P2RY12: variants seen among roughly 807,000 people sequenced by gnomAD.
P2RY12 encodes P2Y purinoceptor 12.
P2RY12 carries 3 observed loss-of-function variants against 4.5 expected under a neutral mutation model. That is an observed-to-expected ratio of 0.67 (90% CI 0.31 to 1.74). The LOEUF (loss-of-function observed/expected upper bound fraction) is 1.74. Ranked by LOEUF, P2RY12 falls within the 40% of genes most tolerant of loss-of-function variation. The pLI is 0.09. For synonymous variants in P2RY12, 148 were observed against 154.1 expected, an observed-to-expected ratio of 0.96 and a Z score of 0.29; for missense variants, 356 against 407.8, an observed-to-expected ratio of 0.87 and a Z score of 1.09.
chr3:151,376,262 A>G, intron 1 of P2RY12: 1 of 1,321,000 alleles, frequency 7.6e-7, no homozygotes, highest in Non-Finnish European at 9.9e-7. Context: ...AATTCTTCGT[A>G]ATAATAAAAA....
At chr3:151,379,897 T>C (rs1711939801) in intron 1 of P2RY12, among the ~76,000 whole-genome samples, 1 of 152,180 alleles carries the variant, frequency 6.6e-6, no homozygotes, top group Non-Finnish European at 1.5e-5. Flanking sequence ...AGTTTGAGAA[T>C]GGCTTCGAGG....
intron 1 of P2RY12, among the ~76,000 whole-genome samples, chr3:151,373,602 A>G (rs1756450090): frequency 1.3e-5 from 2 of 149,560 alleles, no homozygotes. Context: ...TCATAATATC[A>G]GTTTGTGTCC....
chr3:151,355,018 C>T lies in P2RY12; in HGVS notation c.-179-14258G>A. On this transcript the variant is annotated intron_variant, in intron 1 of 2. Transcript: ENST00000302632. ...TTTATTGAAATTCATAGAATTTGTG[C>T]ACTTTTCTGTATGTATGCTATACTT... 7 of 777,096 alleles carry T rather than the reference C, an allele frequency of 9.0e-6. No individual in the cohort carries two copies. The South Asian group carries it at 1.1e-4, about 12-fold the overall frequency. The allele number at this position is 777,096 out of a possible 1,614,324, so 48.1% of individuals were successfully genotyped here. A position where few individuals can be genotyped will look rare whatever the true frequency, so the allele number is the denominator to read the frequency against.
At chr3:151,363,156 G>T (rs1754831947) in intron 1 of P2RY12, among the ~76,000 whole-genome samples, 1 of 152,030 alleles carries the variant, frequency 6.6e-6, no homozygotes, top group Non-Finnish European at 1.5e-5. Flanking sequence ...TTACTCAGGG[G>T]TCAGCAGAGT....
intron 1 of P2RY12, among the ~76,000 whole-genome samples, chr3:151,359,462 A>G (rs1229319896): frequency 6.6e-6 from 1 of 152,062 alleles, no homozygotes; most frequent in African/African-American, 2.4e-5. Context: ...CCTTGGTTCC[A>G]CCTATGGTAC....
In P2RY12 at chr3:151,337,327, C is replaced by A; in HGVS notation, c.*490G>T. ...TAATAGTTATTATTCTTTGTGTATC[C>A]CACTTACTTAAATTTTTATAAGTAT... On this transcript the variant is annotated 3_prime_UTR_variant, in exon 3 of 3. Transcript: ENST00000302632. The A allele has an allele frequency of 6.5e-6, 1 of 154,716 alleles. No individual in the cohort carries two copies. The highest frequency in any genetic ancestry group is 1.4e-5 in the Non-Finnish European group (1 of 69,852). 9.6% of individuals were successfully genotyped at this position (154,716 alleles called of 1,614,324 possible). A position where few individuals can be genotyped will look rare whatever the true frequency, so the allele number is the denominator to read the frequency against.
At chr3:151,378,338 T>A (rs185244355) in intron 1 of P2RY12, among the ~76,000 whole-genome samples, 2 of 152,192 alleles carry the variant, frequency 1.3e-5, no homozygotes, top group African/African-American at 4.8e-5. Flanking sequence ...TCCTAAAAAA[T>A]TTCAGGTTAT....
chr3:151,374,429 TC>T (rs1166742755), intron 1 of P2RY12, among the ~76,000 whole-genome samples: 1 of 152,142 alleles, frequency 6.6e-6, no homozygotes, highest in Non-Finnish European at 1.5e-5. Context: ...ATGCCTGTCA[TC>T]CCAGCTACTT....
At chr3:151,378,524 T>G (rs74598793) in intron 1 of P2RY12, among the ~76,000 whole-genome samples, 9,614 of 151,900 alleles carry the variant, frequency 0.063, 450 homozygotes, top group Middle Eastern at 0.18. Flanking sequence ...GATATTTATG[T>G]TTAAAATAAA....
intron 1 of P2RY12, among the ~76,000 whole-genome samples, chr3:151,368,689 T>TATTTCATTTCATTTC (rs1175917645): frequency 7.1e-5 from 3 of 42,006 alleles, no homozygotes; most frequent in East Asian, 5.0e-4. Context: ...CATTTCATTT[T>TATTTCATTTCATTTC]ATTTCATTTC....
intron 1 of P2RY12, chr3:151,376,757 C>T (rs764809717): frequency 6.7e-7 from 1 of 1,490,458 alleles, no homozygotes; most frequent in Non-Finnish European, 9.4e-7. Flanking sequence ...TATTTTAACA[C>T]ATTTGATACC....
At chr3:151,348,741 C>G (rs180992020) in intron 1 of P2RY12, among the ~76,000 whole-genome samples, 1 of 152,238 alleles carries the variant, frequency 6.6e-6, no homozygotes, top group East Asian at 1.9e-4. Context: ...CTGAGAAAGA[C>G]AGACCGACAC....
At chr3:151,359,548 AG>A (rs1475315204) in intron 1 of P2RY12, among the ~76,000 whole-genome samples, 1 of 152,088 alleles carries the variant, frequency 6.6e-6, no homozygotes, top group African/African-American at 2.4e-5. Flanking sequence ...AATAGTACAG[AG>A]GAGTTTGATC....
At chr3:151,364,823 G>C (rs528133923) in intron 1 of P2RY12, among the ~76,000 whole-genome samples, 1 of 152,078 alleles carries the variant, frequency 6.6e-6, no homozygotes, top group Admixed American at 6.5e-5. Flanking sequence ...TTTGATTAGC[G>C]CCAATTAGTA....
intron 1 of P2RY12, among the ~76,000 whole-genome samples, chr3:151,359,362 G>A (rs1340852751): frequency 6.6e-6 from 1 of 151,934 alleles, no homozygotes; most frequent in Non-Finnish European, 1.5e-5. Flanking sequence ...TGTTCTAATT[G>A]GCAGCTTTTA....
At chr3:151,370,626 T>G (rs996639081) in intron 1 of P2RY12, among the ~76,000 whole-genome samples, 17 of 152,094 alleles carry the variant, frequency 1.1e-4, no homozygotes, top group Non-Finnish European at 2.4e-4. Context: ...TTTCAGTGAG[T>G]AGAATTTCCC....
intron 1 of P2RY12, chr3:151,355,953 C>A: frequency 6.2e-7 from 1 of 1,614,044 alleles, no homozygotes; most frequent in Non-Finnish European, 8.5e-7. Flanking sequence ...ATCCTATCAT[C>A]TCCCTTTGGC....
chr3:151,368,624 TATTTTATTTCATTTCATTTCATTTC>T (rs1755636592), intron 1 of P2RY12, among the ~76,000 whole-genome samples: 180 of 85,516 alleles, frequency 2.1e-3, no homozygotes, highest in Non-Finnish European at 2.7e-3. Context: ...TATTTTATTT[TATTTTATTTCATTTCATTTCATTTC>T]ATTTCATTTC....
chr3:151,344,650 A>G (rs1044100547), intron 1 of P2RY12, among the ~76,000 whole-genome samples: 1 of 152,218 alleles, frequency 6.6e-6, no homozygotes, highest in Admixed American at 6.5e-5. Flanking sequence ...TGCAAAAATT[A>G]GGAAGTACTG....
Sources: allele counts gnomAD v4.1 joint callset (sites outside exome capture counted in the v4.1 genomes callset), GRCh38; gene constraint gnomAD v4.1.1; transcripts MANE v1.5; gene names NCBI Gene and HGNC (gene_info 2026-07-23, HGNC 2026-07-21).